The following COL13A1 variants were observed in gnomAD, a reference collection of about 807,000 sequenced individuals.
The protein encoded by COL13A1 is collagen type XIII alpha 1 chain.
In COL13A1, 89 loss-of-function variants were observed where a neutral mutation model predicts 130.9. The observed-to-expected ratio is 0.68, with a 90% CI of 0.57 to 0.81. The LOEUF (loss-of-function observed/expected upper bound fraction) is 0.81, where lower values mean the gene tolerates loss of function less well. Ranked by LOEUF, COL13A1 falls within the 30% of genes least tolerant of loss-of-function variation. The pLI, the probability that COL13A1 is intolerant of heterozygous loss-of-function variation, is 0.00. For synonymous variants in COL13A1, 402 were observed against 341.6 expected (o/e 1.18, Z -1.95); for missense variants, 879 against 934.6 (o/e 0.94, Z 0.78).
chr10:69,802,356 CT>C lies in COL13A1; in HGVS notation c.-64del. ...CCCTGCCCCGCAGTTTGGATAGAGC[CT>C]TTTGGCAGCGGCTGTCGCCTTTATT... On this transcript the variant is annotated 5_prime_UTR_variant, in exon 1 of 41. Transcript: ENST00000645393. 7.2e-7 allele frequency: 1 copy of C among 1,383,908 alleles called. No individual in the cohort carries two copies. The highest frequency in any genetic ancestry group is 9.3e-7 in the Non-Finnish European group (1 of 1,072,526). The allele number at this position is 1,383,908 out of a possible 1,614,324, so 85.7% of individuals were successfully genotyped here.
intron 2 of COL13A1, among the ~76,000 whole-genome samples, chr10:69,836,340 G>C (rs1217753629): frequency 2.0e-5 from 3 of 152,224 alleles, no homozygotes; most frequent in African/African-American, 7.2e-5. Context: ...TCAAGGCGGG[G>C]CCAAGGCAGG....
chr10:69,889,068 C>T (rs1424925078), intron 9 of COL13A1, among the ~76,000 whole-genome samples: 1 of 152,186 alleles, frequency 6.6e-6, no homozygotes, highest in Non-Finnish European at 1.5e-5. Flanking sequence ...CCCAGGGGTG[C>T]CAGCAATCAT....
At chr10:69,935,769 G>A (rs1255153051) in intron 32 of COL13A1, among the ~76,000 whole-genome samples, 1 of 152,126 alleles carries the variant, frequency 6.6e-6, no homozygotes, top group Non-Finnish European at 1.5e-5. Flanking sequence ...TGGCACTCTG[G>A]GAGGCTGAGG....
chr10:69,933,014 T>C (rs535702892), intron 31 of COL13A1, among the ~76,000 whole-genome samples: 260 of 151,800 alleles, frequency 1.7e-3, no homozygotes, highest in Non-Finnish European at 2.9e-3. Context: ...CAGGTGCCTA[T>C]AATCCCAGCT....
chr10:69,819,116 T>C (rs1277941703), intron 1 of COL13A1, among the ~76,000 whole-genome samples: 2 of 152,252 alleles, frequency 1.3e-5, no homozygotes, highest in Non-Finnish European at 2.9e-5. Flanking sequence ...ATAGGATCTA[T>C]TGAATAAAAG....
At chr10:69,933,490 C>G (rs772048289) in intron 31 of COL13A1, among the ~76,000 whole-genome samples, 1 of 152,128 alleles carries the variant, frequency 6.6e-6, no homozygotes, top group Admixed American at 6.5e-5. Context: ...ATCAAGGATG[C>G]GTGAGAGACA....
rs567892256 is a variant in COL13A1, at chr10:69,896,535, G to A, written c.684+959G>A. 6.6e-5 allele frequency among the ~76,000 whole-genome samples: 10 copies of A among 152,338 alleles called. No homozygotes were observed. In the East Asian group the frequency reaches 1.9e-3, roughly 29 times the overall value. On this transcript the variant is annotated intron_variant, in intron 13 of 40. Coordinates refer to ENST00000645393, the MANE Select transcript of COL13A1 (RefSeq NM_001368882.1). Reference sequence around the variant, plus strand: ...TTCCCTGGCTGCCCACCCCTGCCAGGCAGGTCCGGGTGGTGCGATTTTGGG... The same window carrying A: ...TTCCCTGGCTGCCCACCCCTGCCAGACAGGTCCGGGTGGTGCGATTTTGGG...
chr10:69,860,756 C>A, intron 2 of COL13A1: 1 of 251,470 alleles, frequency 4.0e-6, no homozygotes, highest in South Asian at 3.9e-5. Context: ...GGCTGCTATC[C>A]CCCATTCCAA....
chr10:69,947,212 G>C, intron 37 of COL13A1, 95 bp from the exon 38 acceptor site: 1 of 1,070,296 alleles, frequency 9.3e-7, no homozygotes, highest in Non-Finnish European at 1.4e-6. Flanking sequence ...CAGTGAGTGA[G>C]GCATTGGGAG....
chr10:69,811,206 C>A (rs1393908892), intron 1 of COL13A1, among the ~76,000 whole-genome samples: 1 of 152,176 alleles, frequency 6.6e-6, no homozygotes, highest in African/African-American at 2.4e-5. Context: ...CTTCCTCCTG[C>A]CCACCACCCC....
rs2065908660 is a variant in COL13A1 at position 69,930,103 on chromosome 10, C to A, written c.1530+16C>A. The A allele has an allele frequency of 6.2e-7, 1 of 1,612,826 alleles. No individual in the cohort carries two copies. The highest frequency in any genetic ancestry group is 1.3e-5 in the African/African-American group (1 of 74,876). On this transcript the variant is annotated intron_variant, in intron 29 of 40. Coordinates refer to ENST00000645393, the MANE Select transcript of COL13A1 (RefSeq NM_001368882.1). ...TGGGGAAAAGGTATGAACAGACGTC[C>A]TCTGGTCAAACCTCTGAAGACAGTC... is the stretch of plus-strand genomic sequence containing the variant.
intron 6 of COL13A1, among the ~76,000 whole-genome samples, chr10:69,880,163 C>A (rs985363802): frequency 6.6e-6 from 1 of 152,122 alleles, no homozygotes; most frequent in African/African-American, 2.4e-5. Context: ...GTTCTTCTCG[C>A]TTCCCCGGCC....
chr10:69,880,403 C>T, intron 6 of COL13A1, 100 bp from the exon 7 acceptor site: 1 of 755,916 alleles, frequency 1.3e-6, no homozygotes, highest in Non-Finnish European at 2.4e-6. Flanking sequence ...CTGCTCCTGG[C>T]CCCCTGCCAG....
chr10:69,907,652 A>G (rs1419203303), intron 17 of COL13A1, among the ~76,000 whole-genome samples: 1 of 151,570 alleles, frequency 6.6e-6, no homozygotes, highest in South Asian at 2.1e-4. Context: ...ACCCACTCTC[A>G]TGATGACTAA....
chr10:69,881,858 G>A (rs943459140), intron 7 of COL13A1, among the ~76,000 whole-genome samples: 18 of 152,242 alleles, frequency 1.2e-4, no homozygotes, highest in African/African-American at 3.6e-4. Context: ...GAGGCACAGA[G>A]AGGCTGAGTG....
intron 16 of COL13A1, among the ~76,000 whole-genome samples, chr10:69,905,328 T>G (rs1239388754): frequency 6.6e-6 from 1 of 152,184 alleles, no homozygotes; most frequent in Non-Finnish European, 1.5e-5. Flanking sequence ...TCTAGGGTAA[T>G]CCAGTCTCCT....
intron 10 of COL13A1, among the ~76,000 whole-genome samples, chr10:69,892,024 C>T (rs1048275202): frequency 2.6e-5 from 4 of 152,208 alleles, no homozygotes; most frequent in Non-Finnish European, 4.4e-5. Context: ...TCTGCCACAC[C>T]GTCCCTCTGC....
chr10:69,882,350 G>A (rs2134371749), intron 7 of COL13A1, among the ~76,000 whole-genome samples: 1 of 152,372 alleles, frequency 6.6e-6, no homozygotes, highest in Middle Eastern at 3.4e-3. Context: ...CTCCACTGCT[G>A]TAGGTGTGTT....
chr10:69,860,804 T>C (rs1356310630), intron 2 of COL13A1: 1 of 207,134 alleles, frequency 4.8e-6, no homozygotes, highest in Non-Finnish European at 1.0e-5. Context: ...GCTGCAGGGA[T>C]GGTAAGGGGA....
Sources: gnomAD v4.1 joint callset for allele counts (sites outside exome capture counted in the v4.1 genomes callset) on GRCh38, gnomAD v4.1.1 for gene constraint, MANE v1.5 for transcripts, NCBI Gene and HGNC (gene_info 2026-07-23, HGNC 2026-07-21) for gene names.